GTF2A1L: variants seen among roughly 807,000 people sequenced by gnomAD.
The protein encoded by GTF2A1L is general transcription factor IIA subunit 1 like, also known as TFIIA-alpha and beta-like factor.
GTF2A1L carries 48 observed loss-of-function variants against 49.7 expected under a neutral mutation model. The observed-to-expected ratio is 0.97, with a 90% CI of 0.77 to 1.23. The LOEUF (loss-of-function observed/expected upper bound fraction) is 1.23. Ranked by LOEUF, GTF2A1L falls within the 50% of genes most tolerant of loss-of-function variation. GTF2A1L has a pLI of 0.00. For synonymous variants in GTF2A1L, 246 were observed against 193.5 expected (o/e 1.27, Z -2.25); for missense variants, 736 against 564.8 (o/e 1.30, Z -3.07).
intron 1 of GTF2A1L, among the ~76,000 whole-genome samples, chr2:48,620,255 A>G (rs1329853483): frequency 6.6e-6 from 1 of 152,248 alleles, no homozygotes; most frequent in African/African-American, 2.4e-5. Context: ...AAGTAACATG[A>G]CAATAACCAT....
At chr2:48,642,509 A>T in intron 4 of GTF2A1L, 52 bp downstream of exon 4, 1 of 1,484,062 alleles carries the variant, frequency 6.7e-7, no homozygotes, top group Non-Finnish European at 9.2e-7. Flanking sequence ...ACTGTTAGCG[A>T]GTGGTGGCAA....
chr2:48,629,290 C>G (rs1676454850), intron 3 of GTF2A1L, among the ~76,000 whole-genome samples: 1 of 142,990 alleles, frequency 7.0e-6, no homozygotes, highest in Admixed American at 7.1e-5. Flanking sequence ...GAGGAAGTGG[C>G]TTGATTCCTG....
At chr2:48,649,453 C>T (rs1677725193) in intron 6 of GTF2A1L, among the ~76,000 whole-genome samples, 1 of 152,176 alleles carries the variant, frequency 6.6e-6, no homozygotes, top group Non-Finnish European at 1.5e-5. Flanking sequence ...GCCAATCCAT[C>T]CATCCTAGAG....
chr2:48,669,905 G>A lies in GTF2A1L; in HGVS notation c.1162G>A (p.Ala388Thr). ...GGDLKVPEEE[A>T]DSISNEDSAT... ...AGATCTGAAGGTACCTGAAGAAGAAGCTGACAGTATTTCAAATGAGGATTC... is the reference window on the plus strand; with the variant it reads ...AGATCTGAAGGTACCTGAAGAAGAAACTGACAGTATTTCAAATGAGGATTC... The change falls in exon 7 of 9, where the codon GCT (alanine) becomes ACT (threonine). Residue 388 changes from alanine (A) to threonine (T), a missense_variant. Physicochemically the swap from Ala to Thr is moderately conservative, Grantham distance 58. Transcript: ENST00000403751. 6.2e-7 allele frequency: 1 copy of A among 1,614,052 alleles called. No individual in the cohort carries two copies. The highest frequency in any genetic ancestry group is 8.5e-7 in the Non-Finnish European group (1 of 1,179,996).
chr2:48,671,583 G>T lies in GTF2A1L; in HGVS notation c.1240-8G>T. On this transcript the variant is annotated splice_region_variant and splice_polypyrimidine_tract_variant and intron_variant, in intron 7 of 8. Coordinates refer to ENST00000403751, the MANE Select transcript of GTF2A1L (RefSeq NM_006872.5). ...AAATTCCTTAATGTGATCATCTTTC[G>T]TCTTTAGGACCCTTTAAATTCTGGA... is the stretch of plus-strand genomic sequence containing the variant. The T allele has an allele frequency of 1.2e-6, 2 of 1,609,336 alleles. No homozygotes were observed. The highest frequency in any genetic ancestry group is 1.7e-6 in the Non-Finnish European group (2 of 1,178,234).
At chr2:48,621,966 T>C (rs951593458) in intron 3 of GTF2A1L, among the ~76,000 whole-genome samples, 1 of 152,228 alleles carries the variant, frequency 6.6e-6, no homozygotes, top group Non-Finnish European at 1.5e-5. Context: ...CTGATTCTTA[T>C]AATCTTTATG....
At chr2:48,647,750 A>G (rs1160541804) in intron 6 of GTF2A1L, among the ~76,000 whole-genome samples, 4 of 152,110 alleles carry the variant, frequency 2.6e-5, no homozygotes, top group Non-Finnish European at 5.9e-5. Flanking sequence ...CTTCTAGTTA[A>G]CTTTTGATAT....
At chr2:48,618,050 G>GT in intron 1 of GTF2A1L, 155 bp downstream of exon 1, 2 of 767,718 alleles carry the variant, frequency 2.6e-6, no homozygotes, top group Non-Finnish European at 4.1e-6. Flanking sequence ...TCACGTCTGT[G>GT]TTGGAGGAAG....
At chr2:48,662,410 G>T (rs1421055651) in intron 6 of GTF2A1L, among the ~76,000 whole-genome samples, 1 of 152,204 alleles carries the variant, frequency 6.6e-6, no homozygotes, top group East Asian at 1.9e-4. Context: ...TAACTTAAAG[G>T]ACTCCTTTTA....
At chr2:48,642,184 C>T (rs1449174913) in intron 3 of GTF2A1L, among the ~76,000 whole-genome samples, 4 of 152,056 alleles carry the variant, frequency 2.6e-5, no homozygotes, top group African/African-American at 9.7e-5. Flanking sequence ...GAGATATTTT[C>T]TTTCAGCACT....
intron 6 of GTF2A1L, among the ~76,000 whole-genome samples, chr2:48,657,817 T>A (rs1678267377): frequency 1.3e-5 from 2 of 152,060 alleles, no homozygotes; most frequent in Admixed American, 1.3e-4. Context: ...TGAGATGATA[T>A]CTTATTGCAT....
In GTF2A1L at chr2:48,669,874, CG is replaced by C; in HGVS notation, c.1136del (p.Gly379GlufsTer3). 6.2e-7 allele frequency: 1 copy of C among 1,613,802 alleles called. No individual in the cohort carries two copies. Among genetic ancestry groups the C allele is most frequent in the African/African-American group, 1.3e-5 (1 of 74,936 alleles). On this transcript the variant is annotated frameshift_variant, in exon 7 of 9. Transcript: ENST00000403751. LOFTEE classifies it high-confidence loss of function. ...DENEFLGNID[G>X]GDLKVPEEEA... is the part of the protein sequence containing the mutation. The stretch of plus-strand genomic sequence containing the variant: ...AGAATGAATTTCTAGGGAATATTGA[CG>C]GGGGAGATCTGAAGGTACCTGAAGA...
chr2:48,677,631 A>G (rs1275104013), intron 8 of GTF2A1L, among the ~76,000 whole-genome samples: 1 of 152,014 alleles, frequency 6.6e-6, no homozygotes, highest in Non-Finnish European at 1.5e-5. Context: ...CACTCTGGGT[A>G]TCCTGTTTAT....
chr2:48,622,673 A>G (rs1676071187), intron 3 of GTF2A1L, among the ~76,000 whole-genome samples: 1 of 152,070 alleles, frequency 6.6e-6, no homozygotes, highest in Non-Finnish European at 1.5e-5. Context: ...AACAAAAACA[A>G]AAGCACAAAA....
chr2:48,657,200 A>T (rs890808041), intron 6 of GTF2A1L, among the ~76,000 whole-genome samples: 5 of 152,198 alleles, frequency 3.3e-5, no homozygotes, highest in African/African-American at 1.2e-4. Flanking sequence ...TGATCCTGTC[A>T]TCCAGGAACT....
At chr2:48,655,494 A>G (rs182580840) in intron 6 of GTF2A1L, among the ~76,000 whole-genome samples, 1 of 152,130 alleles carries the variant, frequency 6.6e-6, no homozygotes, top group East Asian at 1.9e-4. Flanking sequence ...TGCCCAGCCT[A>G]AAATACATTT....
chr2:48,634,659 A>G (rs1182058681), intron 3 of GTF2A1L, among the ~76,000 whole-genome samples: 1 of 152,202 alleles, frequency 6.6e-6, no homozygotes, highest in African/African-American at 2.4e-5. Context: ...TATGAAACTT[A>G]ACTTGGCAGG....
chr2:48,678,191 T>C lies in GTF2A1L; in HGVS notation c.1330-1144T>C, dbSNP rs542919572. Among the ~76,000 whole-genome samples the C allele has an allele frequency of 1.4e-3, 216 of 152,100 alleles. 1 individual carries two copies. Among genetic ancestry groups the C allele is most frequent in the African/African-American group, 4.9e-3 (202 of 41,550 alleles). ...TATTGTTGTATATCTAGAAAAAATA[T>C]AGTCACTAGATAAAGGTACCACAAT... On this transcript the variant is annotated intron_variant, in intron 8 of 8. Transcript: ENST00000403751.
In GTF2A1L at chr2:48,628,603, T is replaced by C. The variant is rs1676415105; in HGVS notation, c.247+7313T>C. ...TGAATTGTTTTAAGTTCCTTATAGATTCTGGATATTACAACTTTGTCAGAT... is the reference window on the plus strand; with the variant it reads ...TGAATTGTTTTAAGTTCCTTATAGACTCTGGATATTACAACTTTGTCAGAT... On this transcript the variant is annotated intron_variant, in intron 3 of 8. Coordinates refer to ENST00000403751, the MANE Select transcript of GTF2A1L (RefSeq NM_006872.5). Among the ~76,000 whole-genome samples the C allele has an allele frequency of 1.4e-5, 2 of 143,870 alleles. 1 individual carries two copies. Among genetic ancestry groups the C allele is most frequent in the Admixed American group, 1.4e-4 (2 of 14,180 alleles). 94.4% of individuals were successfully genotyped at this position (143,870 alleles called of 152,430 possible). A position where few individuals can be genotyped will look rare whatever the true frequency, so the allele number is the denominator to read the frequency against.
Sources: gnomAD v4.1 joint callset for allele counts (sites outside exome capture counted in the v4.1 genomes callset) on GRCh38, gnomAD v4.1.1 for gene constraint, MANE v1.5 for transcripts, NCBI Gene and HGNC (gene_info 2026-07-23, HGNC 2026-07-21) for gene names.